Variants in KIF11 observed in about 807,000 individuals in gnomAD.
The protein encoded by KIF11 is kinesin family member 11.
KIF11 carries 9 observed loss-of-function variants against 121.0 expected under a neutral mutation model. That is an observed-to-expected ratio of 0.07 (90% CI 0.04 to 0.13). The LOEUF (loss-of-function observed/expected upper bound fraction) is 0.13, where lower values mean the gene tolerates loss of function less well. Among genes scored for constraint, KIF11 ranks in the 10% least tolerant of loss-of-function variants. The pLI is 1.00. For missense variants in KIF11, 846 were observed against 1,217.5 expected, an observed-to-expected ratio of 0.69 and a Z score of 4.54; for synonymous variants, 408 against 421.0, an observed-to-expected ratio of 0.97 and a Z score of 0.38.
chr10:92,615,492 A>C (rs1368725566), intron 8 of KIF11, among the ~76,000 whole-genome samples: 2 of 152,060 alleles, frequency 1.3e-5, no homozygotes, highest in Non-Finnish European at 2.9e-5. Flanking sequence ...CATACCATAA[A>C]ATTCACTGAT....
At chr10:92,646,986 C>T (rs553384017) in intron 18 of KIF11, among the ~76,000 whole-genome samples, 2 of 152,268 alleles carry the variant, frequency 1.3e-5, no homozygotes, top group East Asian at 3.9e-4. Flanking sequence ...TTAATGATGG[C>T]TTAAACCATT....
intron 4 of KIF11, among the ~76,000 whole-genome samples, chr10:92,607,950 T>A (rs1333358543): frequency 2.6e-5 from 4 of 151,908 alleles, no homozygotes; most frequent in African/African-American, 9.7e-5. Flanking sequence ...AGGTCAGCAG[T>A]TCGAGACCAG....
intron 1 of KIF11, chr10:92,597,372 T>G (rs1359429063): frequency 6.2e-6 from 1 of 160,274 alleles, no homozygotes; most frequent in East Asian, 1.8e-4. Context: ...CAAGCAATTC[T>G]TATGCTTCAG....
At chr10:92,607,834 A>G (rs1844445898) in intron 4 of KIF11, among the ~76,000 whole-genome samples, 1 of 152,090 alleles carries the variant, frequency 6.6e-6, no homozygotes, top group South Asian at 2.1e-4. Context: ...AAATTTAGTA[A>G]TGTGTTTAAA....
At chr10:92,639,171 A>G (rs888181434) in intron 16 of KIF11, among the ~76,000 whole-genome samples, 2 of 152,212 alleles carry the variant, frequency 1.3e-5, no homozygotes, top group African/African-American at 4.8e-5. Context: ...GCAACTATAT[A>G]TATCTGTCAA....
At chr10:92,594,024 C>T (rs558994846) in intron 1 of KIF11, among the ~76,000 whole-genome samples, 7 of 152,138 alleles carry the variant, frequency 4.6e-5, no homozygotes, top group Admixed American at 4.6e-4. Flanking sequence ...CCAAACTAAA[C>T]GGATATTTCG....
chr10:92,635,431 C>T lies in KIF11; in HGVS notation c.1875+1636C>T, dbSNP rs1000653363. 2.2e-4 allele frequency among the ~76,000 whole-genome samples: 33 copies of T among 152,144 alleles called. No homozygotes were observed. In the East Asian group the frequency reaches 3.5e-3, roughly 16 times the overall value. On this transcript the variant is annotated intron_variant, in intron 14 of 21. Coordinates refer to ENST00000260731, the MANE Select transcript of KIF11 (RefSeq NM_004523.4). Reference sequence around the variant, plus strand: ...GCAAGTCATGAATTTTTTGCTTTCCCGGTGCATATAAAGGTTATGTTGACC... The same window carrying T: ...GCAAGTCATGAATTTTTTGCTTTCCTGGTGCATATAAAGGTTATGTTGACC...
At chr10:92,618,490 A>G (rs1844583100) in intron 9 of KIF11, among the ~76,000 whole-genome samples, 1 of 151,774 alleles carries the variant, frequency 6.6e-6, no homozygotes, top group Non-Finnish European at 1.5e-5. Flanking sequence ...TACTAAAAAT[A>G]CAAAAATTAG....
rs891008598 is a variant in KIF11, at chr10:92,600,086, A to G, written c.78-6179A>G. On this transcript the variant is annotated intron_variant, in intron 1 of 21. Coordinates refer to ENST00000260731, the MANE Select transcript of KIF11 (RefSeq NM_004523.4). Reference sequence around the variant, plus strand: ...AGTGGTGTGATCTCGGCTCACTGCAACCTCCGCCTCCCGGGTTCAAGCAAT... The same window carrying G: ...AGTGGTGTGATCTCGGCTCACTGCAGCCTCCGCCTCCCGGGTTCAAGCAAT... Among the ~76,000 whole-genome samples, 7 of 147,788 alleles carry G rather than the reference A, an allele frequency of 4.7e-5. 1 individual carries two copies. The South Asian group carries it at 1.5e-3, about 32-fold the overall frequency.
chr10:92,651,551 T>TTTTTTTTTTTG (rs1844984567), intron 21 of KIF11, among the ~76,000 whole-genome samples: 2 of 110,564 alleles, frequency 1.8e-5, no homozygotes, highest in Non-Finnish European at 3.8e-5. Context: ...TTTTTTTTAG[T>TTTTTTTTTTTG]AGAGGGGGTT....
At position 92,651,507 on chromosome 10, in the gene KIF11, GT is replaced by G. The variant is rs1175303233; in HGVS notation, c.3039+1031del. 9.1e-4 allele frequency among the ~76,000 whole-genome samples: 48 copies of G among 52,956 alleles called. 3 individuals carry two copies. The highest frequency in any genetic ancestry group is 1.5e-3 in the African/African-American group (29 of 19,296). The allele number at this position is 52,956 out of a possible 152,430, so 34.7% of individuals were successfully genotyped here. ...TGTGCCACCATGCCTGGCTAATTTT[GT>G]TTTTTTTTTTTTTTTTTTTTTTTTT... On this transcript the variant is annotated intron_variant, in intron 21 of 21. Coordinates refer to ENST00000260731, the MANE Select transcript of KIF11 (RefSeq NM_004523.4).
intron 10 of KIF11, among the ~76,000 whole-genome samples, chr10:92,622,651 TAAA>T (rs955150853): frequency 5.3e-5 from 8 of 151,740 alleles, no homozygotes; most frequent in African/African-American, 1.5e-4. Context: ...ATAAAATAAA[TAAA>T]AAATAATTAT....
At chr10:92,622,873 A>G (rs1226803279) in intron 10 of KIF11, among the ~76,000 whole-genome samples, 2 of 152,146 alleles carry the variant, frequency 1.3e-5, no homozygotes, top group Non-Finnish European at 2.9e-5. Flanking sequence ...AGAAGCAAGC[A>G]CATATTCACA....
At chr10:92,622,965 A>G (rs1844634538) in intron 10 of KIF11, among the ~76,000 whole-genome samples, 1 of 152,192 alleles carries the variant, frequency 6.6e-6, no homozygotes, top group Non-Finnish European at 1.5e-5. Context: ...ATTCACTATC[A>G]TGAGAACAGC....
At chr10:92,635,540 C>T (rs932121396) in intron 14 of KIF11, among the ~76,000 whole-genome samples, 3 of 152,072 alleles carry the variant, frequency 2.0e-5, no homozygotes, top group African/African-American at 7.2e-5. Context: ...CATTTGCTGT[C>T]TTATAGGGGT....
At chr10:92,616,662 A>G (rs1008315668) in intron 8 of KIF11, 75 bp from the exon 9 acceptor site, 4 of 732,652 alleles carry the variant, frequency 5.5e-6, no homozygotes, top group African/African-American at 3.7e-5. Context: ...AAGTTATTAT[A>G]TAACATATTT....
At chr10:92,625,438 T>C (rs1844664884) in intron 10 of KIF11, among the ~76,000 whole-genome samples, 1 of 150,738 alleles carries the variant, frequency 6.6e-6, no homozygotes, top group Admixed American at 6.7e-5. Context: ...AACCTCCACC[T>C]CCTGGGTTCA....
chr10:92,610,707 T>G (rs1844486764), intron 6 of KIF11, among the ~76,000 whole-genome samples: 1 of 152,186 alleles, frequency 6.6e-6, no homozygotes, highest in South Asian at 2.1e-4. Context: ...AAATTATTGT[T>G]AGGATTAGAA....
At chr10:92,647,068 A>G (rs1406402429) in intron 18 of KIF11, among the ~76,000 whole-genome samples, 3 of 152,246 alleles carry the variant, frequency 2.0e-5, no homozygotes, top group South Asian at 2.1e-4. Context: ...AAATCTTAAC[A>G]TGAGAGACAC....
Sources: allele counts gnomAD v4.1 joint callset (sites outside exome capture counted in the v4.1 genomes callset), GRCh38; gene constraint gnomAD v4.1.1; transcripts MANE v1.5; gene names NCBI Gene and HGNC (gene_info 2026-07-23, HGNC 2026-07-21).